The following PCDHGB1 variants were observed in gnomAD, a reference collection of about 807,000 sequenced individuals.
PCDHGB1 encodes the protein protocadherin gamma subfamily B, 1.
A neutral mutation model predicts 56.6 loss-of-function variants in PCDHGB1; 34 were observed. That is an observed-to-expected ratio of 0.60 (90% CI 0.46 to 0.80). PCDHGB1 has a LOEUF of 0.80. Among genes scored for constraint, PCDHGB1 ranks in the 30% least tolerant of loss-of-function variants. The pLI is 0.00. For synonymous variants in PCDHGB1, 561 were observed against 505.9 expected (o/e 1.11, Z -1.46); for missense variants, 1,278 against 1,204.6 (o/e 1.06, Z -0.90).
chr5:141,376,452 C>T (rs1186920662), intron 1 of PCDHGB1: 2 of 1,614,094 alleles, frequency 1.2e-6, no homozygotes, highest in Non-Finnish European at 1.7e-6. Flanking sequence ...AAAAGCGAGC[C>T]TCTTCTGATA....
intron 1 of PCDHGB1, chr5:141,370,520 CA>C: frequency 6.2e-7 from 1 of 1,613,870 alleles, no homozygotes; most frequent in Non-Finnish European, 8.5e-7. Flanking sequence ...AGGAGCTGGA[CA>C]GGGGCTCGCT....
intron 1 of PCDHGB1, chr5:141,374,142 T>C (rs1270815703): frequency 6.2e-7 from 1 of 1,610,314 alleles, no homozygotes; most frequent in South Asian, 1.1e-5. Context: ...CTCACGCTCC[T>C]GGGGACGCTG....
chr5:141,418,748 A>G, intron 1 of PCDHGB1: 7 of 1,613,954 alleles, frequency 4.3e-6, no homozygotes, highest in East Asian at 2.2e-5. Context: ...TCTGGATTAC[A>G]CTACAGGAAA....
intron 1 of PCDHGB1, chr5:141,409,997 G>C: frequency 1.2e-6 from 2 of 1,613,224 alleles, no homozygotes; most frequent in South Asian, 2.2e-5. Context: ...CGCCGACTCG[G>C]GACACAACGC....
chr5:141,423,957 T>G, intron 1 of PCDHGB1: 1 of 1,183,084 alleles, frequency 8.5e-7, no homozygotes, highest in Non-Finnish European at 1.1e-6. Context: ...TTTAGTATTA[T>G]TTTTCTATTA....
intron 1 of PCDHGB1, chr5:141,364,370 C>G: frequency 6.4e-7 from 1 of 1,570,908 alleles, no homozygotes; most frequent in South Asian, 1.2e-5. Flanking sequence ...CGGAGAGCTG[C>G]TGCTGCCCTT....
At position 141,491,187 on chromosome 5, in the gene PCDHGB1, G is replaced by A. The variant is rs2099709293; in HGVS notation, c.2410-3620G>A. ...CCCAGCAGGTGGTGGTCCTGGTGAG[G>A]GACAATGGTGACCCTTCACTCTCCT... On this transcript the variant is annotated intron_variant, in intron 1 of 3. Coordinates refer to ENST00000523390, the MANE Select transcript of PCDHGB1 (RefSeq NM_018922.3). The surrounding 1 kb of genome is among the most constrained non-coding windows in gnomAD (Gnocchi z 6.9). The A allele has an allele frequency of 6.2e-7, 1 of 1,614,064 alleles. No homozygotes were observed. The highest frequency in any genetic ancestry group is 1.1e-5 in the South Asian group (1 of 91,080).
Position 141,350,536 on chromosome 5 carries a change from T to C in PCDHGB1, c.276T>C (p.Ile92=). The C allele has an allele frequency of 6.2e-7, 1 of 1,613,990 alleles. No homozygotes were observed. The highest frequency in any genetic ancestry group is 8.5e-7 in the Non-Finnish European group (1 of 1,179,906). ...LVNGRIDREK[I]CGRKLECALE... is the part of the protein sequence containing the mutation. ...ACGGTAGGATAGATCGAGAGAAGATTTGCGGAAGGAAACTTGAGTGTGCAC... is the reference window on the plus strand; with the variant it reads ...ACGGTAGGATAGATCGAGAGAAGATCTGCGGAAGGAAACTTGAGTGTGCAC... Residue 92 remains isoleucine (I), a synonymous_variant, in exon 1 of 4, where the codon ATT becomes ATC. Transcript: ENST00000523390.
intron 1 of PCDHGB1, chr5:141,408,220 G>T: frequency 6.4e-7 from 1 of 1,558,994 alleles, no homozygotes; most frequent in Admixed American, 1.9e-5. Flanking sequence ...GGAGCTGCGC[G>T]CAGAGGCGCC....
chr5:141,500,461 G>A (rs1343646600), intron 2 of PCDHGB1, among the ~76,000 whole-genome samples: 1 of 151,910 alleles, frequency 6.6e-6, no homozygotes, highest in Non-Finnish European at 1.5e-5. Flanking sequence ...CGCCCGCCTC[G>A]GCCTCCCAAA....
rs1213653891 is a variant in PCDHGB1 at position 141,419,687 on chromosome 5, C to T, written c.2409+67018C>T. 1.9e-6 allele frequency: 3 copies of T among 1,612,692 alleles called. No individual in the cohort carries two copies. In the African/African-American group the frequency reaches 4.0e-5, roughly 22 times the overall value. On this transcript the variant is annotated intron_variant, in intron 1 of 3. Transcript: ENST00000523390. ...TGCCTGGCTGTCCTACCACGTGGTG[C>T]AGGCCAGTGAGCCCGGGCTCTTCAG...
At chr5:141,498,089 A>G (rs1402239680) in intron 2 of PCDHGB1, among the ~76,000 whole-genome samples, 3 of 152,370 alleles carry the variant, frequency 2.0e-5, no homozygotes, top group South Asian at 2.1e-4. Context: ...GTAGAATTGT[A>G]TCTGGTGGTG....
intron 1 of PCDHGB1, among the ~76,000 whole-genome samples, chr5:141,469,909 C>G (rs760329158): frequency 2.0e-5 from 3 of 152,120 alleles, no homozygotes; most frequent in Non-Finnish European, 2.9e-5. Context: ...GGCAGGCAGA[C>G]CACCCGAGGT....
At chr5:141,399,942 G>T (rs780939486) in intron 1 of PCDHGB1, 2 of 1,612,258 alleles carry the variant, frequency 1.2e-6, no homozygotes, top group Admixed American at 3.3e-5. Flanking sequence ...ACCACGTGCT[G>T]CAGGCTAGCG....
intron 1 of PCDHGB1, chr5:141,389,522 G>T (rs983186726): frequency 5.0e-6 from 8 of 1,613,060 alleles, no homozygotes; most frequent in Middle Eastern, 3.3e-4. Flanking sequence ...ACGTGAGCCT[G>T]CGCGTGTTAG....
At chr5:141,356,453 A>T (rs757674087) in intron 1 of PCDHGB1, 1 of 1,613,360 alleles carries the variant, frequency 6.2e-7, no homozygotes. Context: ...GTCTCAGAAT[A>T]TAACATCACT....
intron 1 of PCDHGB1, chr5:141,371,738 C>T: frequency 1.2e-6 from 2 of 1,614,052 alleles, no homozygotes; most frequent in Non-Finnish European, 1.7e-6. Context: ...TCAACGACAA[C>T]GTTCCCGTTT....
intron 1 of PCDHGB1, among the ~76,000 whole-genome samples, chr5:141,484,723 G>T (rs930331672): frequency 1.3e-5 from 2 of 151,930 alleles, no homozygotes; most frequent in Non-Finnish European, 2.9e-5. Flanking sequence ...AAGGGGCGGG[G>T]TCAGTCGGTG....
chr5:141,491,528 C>T lies in PCDHGB1; in HGVS notation c.2410-3279C>T, dbSNP rs745806026. ...GGCACGCTCAAGTACATGGAGGTGACGCTGCGGCCCACAGACTCGCAGAGC... is the reference window on the plus strand; with the variant it reads ...GGCACGCTCAAGTACATGGAGGTGATGCTGCGGCCCACAGACTCGCAGAGC... On this transcript the variant is annotated intron_variant, in intron 1 of 3. Coordinates refer to ENST00000523390, the MANE Select transcript of PCDHGB1 (RefSeq NM_018922.3). The surrounding 1 kb of genome is among the most constrained non-coding windows in gnomAD (Gnocchi z 6.9). 4 of 1,613,950 alleles carry T rather than the reference C, an allele frequency of 2.5e-6. No individual in the cohort carries two copies. Among genetic ancestry groups the T allele is most frequent in the South Asian group, 1.1e-5 (1 of 91,092 alleles).
Sources: allele counts gnomAD v4.1 joint callset (sites outside exome capture counted in the v4.1 genomes callset), GRCh38; gene constraint gnomAD v4.1.1; non-coding constraint Gnocchi (gnomAD v3.1); transcripts MANE v1.5; gene names NCBI Gene and HGNC (gene_info 2026-07-23, HGNC 2026-07-21).